Variants in MAGI2 observed in about 807,000 individuals in gnomAD.
MAGI2 encodes the protein membrane associated guanylate kinase, WW and PDZ domain containing 2.
In MAGI2, 35 loss-of-function variants were observed where a neutral mutation model predicts 133.3. The observed-to-expected ratio is 0.26, with a 90% CI of 0.20 to 0.35. The LOEUF (loss-of-function observed/expected upper bound fraction) is 0.35. Ranked by LOEUF, MAGI2 falls within the 10% of genes least tolerant of loss-of-function variation. The pLI is 1.00. For missense variants in MAGI2, 1,636 were observed against 1,863.4 expected, an observed-to-expected ratio of 0.88 and a Z score of 2.25; for synonymous variants, 729 against 710.6, an observed-to-expected ratio of 1.03 and a Z score of -0.41.
At chr7:78,947,996 G>A (rs953221274) in intron 2 of MAGI2, among the ~76,000 whole-genome samples, 6 of 151,982 alleles carry the variant, frequency 3.9e-5, no homozygotes, top group Non-Finnish European at 7.4e-5. Flanking sequence ...GCATTTGATG[G>A]AAATATGGAA....
At chr7:79,405,928 A>C (rs1185777413) in intron 1 of MAGI2, among the ~76,000 whole-genome samples, 7 of 151,808 alleles carry the variant, frequency 4.6e-5, no homozygotes, top group African/African-American at 1.7e-4. Context: ...ACACAAAAAA[A>C]AAAAAAAAAA....
At chr7:78,298,821 T>G (rs1797562653) in intron 9 of MAGI2, among the ~76,000 whole-genome samples, 1 of 143,384 alleles carries the variant, frequency 7.0e-6, no homozygotes, top group African/African-American at 2.6e-5. Flanking sequence ...TTTTTTTTTT[T>G]TTTTTTTTTT....
At chr7:78,716,299 G>A (rs1033950775) in intron 2 of MAGI2, among the ~76,000 whole-genome samples, 67 of 152,096 alleles carry the variant, frequency 4.4e-4, no homozygotes, top group Admixed American at 4.4e-3. Flanking sequence ...CTATTATAGT[G>A]TATGCATGTA....
At chr7:78,068,661 G>A (rs1201286603) in intron 21 of MAGI2, among the ~76,000 whole-genome samples, 5 of 152,150 alleles carry the variant, frequency 3.3e-5, no homozygotes, top group Non-Finnish European at 5.9e-5. Context: ...TGGAAATGAG[G>A]GGTTTAGAGT....
intron 16 of MAGI2, 106 bp downstream of exon 16, chr7:78,159,919 C>A: frequency 7.1e-7 from 1 of 1,413,522 alleles, no homozygotes; most frequent in East Asian, 2.4e-5. Flanking sequence ...TCAGGCTATA[C>A]AGTATGTCCG....
intron 2 of MAGI2, among the ~76,000 whole-genome samples, chr7:78,935,966 T>C (rs1056528923): frequency 6.6e-6 from 1 of 152,118 alleles, no homozygotes; most frequent in Non-Finnish European, 1.5e-5. Flanking sequence ...ATTAGCTGCC[T>C]TTTCTAGATG....
At chr7:78,169,864 C>T (rs1825956471) in intron 14 of MAGI2, among the ~76,000 whole-genome samples, 2 of 152,218 alleles carry the variant, frequency 1.3e-5, no homozygotes, top group Non-Finnish European at 2.9e-5. Flanking sequence ...ATATTCTCCA[C>T]TTTCCCTTCT....
intron 1 of MAGI2, among the ~76,000 whole-genome samples, chr7:79,359,333 G>C (rs982932705): frequency 6.6e-6 from 1 of 152,010 alleles, no homozygotes; most frequent in Non-Finnish European, 1.5e-5. Flanking sequence ...GAGAAAAATA[G>C]ATCCTTAGAA....
chr7:78,509,855 G>A (rs781540343), intron 4 of MAGI2, among the ~76,000 whole-genome samples: 8 of 152,110 alleles, frequency 5.3e-5, no homozygotes, highest in African/African-American at 9.7e-5. Context: ...TGTAACTGCC[G>A]TCTTTTGAAA....
intron 20 of MAGI2, among the ~76,000 whole-genome samples, chr7:78,108,602 G>A (rs1462031392): frequency 6.6e-6 from 1 of 151,274 alleles, no homozygotes; most frequent in East Asian, 2.0e-4. Context: ...TTATATTGGG[G>A]TCGGTCTCTC....
At chr7:79,442,611 C>T (rs1230372948) in intron 1 of MAGI2, among the ~76,000 whole-genome samples, 2 of 152,112 alleles carry the variant, frequency 1.3e-5, no homozygotes, top group Admixed American at 1.3e-4. Context: ...ACTATAGATA[C>T]TGTTTCAGAA....
At chr7:79,285,076 G>A (rs962067699) in intron 1 of MAGI2, among the ~76,000 whole-genome samples, 12 of 152,010 alleles carry the variant, frequency 7.9e-5, no homozygotes, top group Admixed American at 2.6e-4. Flanking sequence ...ATAATAGAAT[G>A]ACTCTTAATA....
At chr7:78,968,769 T>C (rs1028314835) in intron 2 of MAGI2, among the ~76,000 whole-genome samples, 1 of 152,102 alleles carries the variant, frequency 6.6e-6, no homozygotes, top group Non-Finnish European at 1.5e-5. Context: ...CTTTTAATTA[T>C]TATGATGTAG....
intron 2 of MAGI2, among the ~76,000 whole-genome samples, chr7:78,836,421 C>T (rs150161035): frequency 6.6e-5 from 10 of 152,234 alleles, no homozygotes; most frequent in Non-Finnish European, 1.5e-4. Flanking sequence ...TATAGCATAG[C>T]TAGCTTAATA....
intron 2 of MAGI2, among the ~76,000 whole-genome samples, chr7:78,783,498 GC>G (rs1169542980): frequency 6.6e-6 from 1 of 152,138 alleles, no homozygotes; most frequent in African/African-American, 2.4e-5. Context: ...TCTCTTGATA[GC>G]CTATTCATTT....
At chr7:78,288,647 C>G (rs963226101) in intron 9 of MAGI2, among the ~76,000 whole-genome samples, 1 of 152,214 alleles carries the variant, frequency 6.6e-6, no homozygotes, top group African/African-American at 2.4e-5. Context: ...GGGCAGACTG[C>G]CTCCTCAAGT....
At chr7:79,194,480 G>A (rs1440227591) in intron 1 of MAGI2, among the ~76,000 whole-genome samples, 1 of 151,844 alleles carries the variant, frequency 6.6e-6, no homozygotes, top group Non-Finnish European at 1.5e-5. Flanking sequence ...AAAAGATAAA[G>A]AGCTAATTCC....
intron 2 of MAGI2, among the ~76,000 whole-genome samples, chr7:78,809,046 T>G (rs552133141): frequency 6.6e-6 from 1 of 152,358 alleles, no homozygotes; most frequent in African/African-American, 2.4e-5. Context: ...TTAAATAGAT[T>G]AAGTATAACT....
At chr7:78,219,663 C>T (rs1434801492) in intron 10 of MAGI2, among the ~76,000 whole-genome samples, 1 of 152,194 alleles carries the variant, frequency 6.6e-6, no homozygotes, top group Non-Finnish European at 1.5e-5. Context: ...ATCTCTTCCC[C>T]CACAACTTGC....
Sources: allele counts gnomAD v4.1 joint callset (sites outside exome capture counted in the v4.1 genomes callset), GRCh38; gene constraint gnomAD v4.1.1; transcripts MANE v1.5; gene names NCBI Gene and HGNC (gene_info 2026-07-23, HGNC 2026-07-21).